Variants in SLIT2 observed in about 807,000 individuals in gnomAD.
SLIT2 encodes slit guidance ligand 2.
SLIT2 carries 41 observed loss-of-function variants against 185.7 expected under a neutral mutation model. The ratio of observed to expected loss-of-function variants is 0.22; its 90% CI spans 0.17 to 0.29. The LOEUF is 0.29. Among genes scored for constraint, SLIT2 ranks in the 10% least tolerant of loss-of-function variants. The probability of loss-of-function intolerance (pLI) is 1.00; values close to 1 mark genes in which losing one functional copy is unlikely to be tolerated. For missense variants in SLIT2, 1,571 were observed against 1,909.0 expected, an observed-to-expected ratio of 0.82 and a Z score of 3.30; for synonymous variants, 693 against 680.2, an observed-to-expected ratio of 1.02 and a Z score of -0.29.
chr4:20,272,796 C>G (rs1205618770), intron 4 of SLIT2, among the ~76,000 whole-genome samples: 1 of 152,056 alleles, frequency 6.6e-6, no homozygotes, highest in East Asian at 1.9e-4. Flanking sequence ...GCATCTGTCC[C>G]AGGGACTCAT....
At chr4:20,287,781 T>A (rs1441789864) in intron 4 of SLIT2, among the ~76,000 whole-genome samples, 1 of 152,224 alleles carries the variant, frequency 6.6e-6, no homozygotes, top group East Asian at 1.9e-4. Flanking sequence ...TTTTTCATCT[T>A]TATGCTTCCC....
intron 13 of SLIT2, 54 bp downstream of exon 13, chr4:20,523,957 TA>T (rs1225374303): frequency 7.4e-6 from 12 of 1,612,066 alleles, no homozygotes; most frequent in Non-Finnish European, 1.0e-5. Flanking sequence ...TCTCTGAATG[TA>T]AGAGCTGAGT....
At chr4:20,512,214 A>G (rs1719822747) in intron 11 of SLIT2, among the ~76,000 whole-genome samples, 1 of 152,160 alleles carries the variant, frequency 6.6e-6, no homozygotes, top group Admixed American at 6.5e-5. Context: ...GGTCAGGGGT[A>G]GCCAATGAGA....
At chr4:20,488,275 A>C (rs536240921) in intron 7 of SLIT2, among the ~76,000 whole-genome samples, 1 of 152,320 alleles carries the variant, frequency 6.6e-6, no homozygotes, top group South Asian at 2.1e-4. Context: ...ATTAAACAAC[A>C]AAAGAAGGAA....
chr4:20,598,127 T>G (rs1208144270), intron 32 of SLIT2, 138 bp from the exon 33 acceptor site: 5 of 699,898 alleles, frequency 7.1e-6, no homozygotes, highest in Non-Finnish European at 9.1e-6. Context: ...AAGGAATAAT[T>G]TCAGCATCGT....
intron 9 of SLIT2, among the ~76,000 whole-genome samples, chr4:20,507,078 C>A: frequency 6.6e-6 from 1 of 151,966 alleles, no homozygotes. Context: ...GTCCTTGGTA[C>A]ATTGCAATAA....
intron 9 of SLIT2, among the ~76,000 whole-genome samples, chr4:20,509,584 G>A (rs1238010286): frequency 6.6e-6 from 1 of 152,162 alleles, no homozygotes; most frequent in Non-Finnish European, 1.5e-5. Context: ...TGGTTCACTG[G>A]AGTCAGCTCT....
intron 4 of SLIT2, among the ~76,000 whole-genome samples, chr4:20,362,513 A>G (rs1722819641): frequency 6.6e-6 from 1 of 152,208 alleles, no homozygotes; most frequent in Non-Finnish European, 1.5e-5. Flanking sequence ...ACATACATTC[A>G]GTTAAATGGA....
intron 4 of SLIT2, among the ~76,000 whole-genome samples, chr4:20,354,900 TGTGTGTGA>T (rs771765006): frequency 0.12 from 13,941 of 113,072 alleles, 691 homozygotes; most frequent in Middle Eastern, 0.18. Context: ...TGTGTGTGTG[TGTGTGTGA>T]GAGAGAGAGA....
intron 4 of SLIT2, chr4:20,392,048 A>G (rs938222198): frequency 6.6e-6 from 1 of 152,056 alleles, no homozygotes; most frequent in African/African-American, 2.4e-5. Context: ...AGAATTTTAT[A>G]TACGGTAATA....
At chr4:20,533,388 C>T (rs1218830385) in intron 17 of SLIT2, 184 bp from the exon 18 acceptor site, 1 of 593,992 alleles carries the variant, frequency 1.7e-6, no homozygotes, top group African/African-American at 1.9e-5. Context: ...CAGACATTCC[C>T]TGTTAGTATT....
intron 28 of SLIT2, 47 bp downstream of exon 28, chr4:20,567,662 A>C (rs768730092): frequency 2.9e-6 from 4 of 1,380,042 alleles, no homozygotes; most frequent in Non-Finnish European, 3.1e-6. Context: ...ATTGGAGCAA[A>C]GATAACTAAG....
intron 4 of SLIT2, among the ~76,000 whole-genome samples, chr4:20,291,444 C>CCT (rs1214608627): frequency 1.2e-5 from 1 of 86,866 alleles, no homozygotes; most frequent in African/African-American, 4.5e-5. Context: ...TCCTAAGAAA[C>CCT]CTCATATATA....
intron 4 of SLIT2, among the ~76,000 whole-genome samples, chr4:20,302,613 G>A (rs1717162175): frequency 6.6e-6 from 1 of 152,096 alleles, no homozygotes; most frequent in Non-Finnish European, 1.5e-5. Context: ...CACTTGAGGT[G>A]TGTCATGAAA....
rs564283846 is a variant in SLIT2 at position 20,564,197 on chromosome 4, A to C, written c.2726-3065A>C. On this transcript the variant is annotated intron_variant, in intron 26 of 36. Coordinates refer to ENST00000504154, the MANE Select transcript of SLIT2 (RefSeq NM_004787.4). ...AGATTTCAGGAGAGGTGCTCTGAGAAAGTGTAGTGGATAGAAAATGAATCA... is the reference window on the plus strand; with the variant it reads ...AGATTTCAGGAGAGGTGCTCTGAGACAGTGTAGTGGATAGAAAATGAATCA... Among the ~76,000 whole-genome samples, 6 of 151,922 alleles carry C rather than the reference A, an allele frequency of 3.9e-5. No individual in the cohort carries two copies. In the South Asian group the frequency reaches 1.0e-3, roughly 26 times the overall value.
intron 4 of SLIT2, among the ~76,000 whole-genome samples, chr4:20,292,481 A>G (rs1716049113): frequency 6.6e-6 from 1 of 152,122 alleles, no homozygotes; most frequent in Non-Finnish European, 1.5e-5. Context: ...ATATAGTGAG[A>G]CCTGTCTCAA....
At chr4:20,350,645 G>A (rs1294307907) in intron 4 of SLIT2, among the ~76,000 whole-genome samples, 2 of 152,122 alleles carry the variant, frequency 1.3e-5, no homozygotes, top group Non-Finnish European at 2.9e-5. Context: ...AAATATGGAA[G>A]CTAGTAACAA....
At chr4:20,351,581 C>T (rs540886026) in intron 4 of SLIT2, among the ~76,000 whole-genome samples, 1 of 152,090 alleles carries the variant, frequency 6.6e-6, no homozygotes, top group Non-Finnish European at 1.5e-5. Flanking sequence ...ATCATTACTG[C>T]CAGGTGACAA....
chr4:20,617,934 A>C (rs1729809282), intron 36 of SLIT2, among the ~76,000 whole-genome samples: 1 of 152,180 alleles, frequency 6.6e-6, no homozygotes, highest in Non-Finnish European at 1.5e-5. Flanking sequence ...GATTTGTTGT[A>C]AAAGAAATGC....
Sources: allele counts gnomAD v4.1 joint callset (sites outside exome capture counted in the v4.1 genomes callset), GRCh38; gene constraint gnomAD v4.1.1; transcripts MANE v1.5; gene names NCBI Gene and HGNC (gene_info 2026-07-23, HGNC 2026-07-21).